Variants in PDPR observed in about 807,000 individuals in gnomAD.
PDPR encodes pyruvate dehydrogenase phosphatase regulatory subunit, also known as pyruvate dehydrogenase phosphatase regulatory subunit, mitochondrial.
PDPR carries 50 observed loss-of-function variants against 102.2 expected under a neutral mutation model. The ratio of observed to expected loss-of-function variants is 0.49; its 90% CI spans 0.39 to 0.62. The LOEUF (loss-of-function observed/expected upper bound fraction) is 0.62. Ranked by LOEUF, PDPR falls within the 20% of genes least tolerant of loss-of-function variation. PDPR has a pLI of 0.00. For missense variants in PDPR, 625 were observed against 1,098.2 expected (o/e 0.57, Z 6.09); for synonymous variants, 259 against 406.0 (o/e 0.64, Z 4.35).
At chr16:70,126,528 T>C (rs1963986500) in intron 3 of PDPR, among the ~76,000 whole-genome samples, 1 of 152,240 alleles carries the variant, frequency 6.6e-6, no homozygotes, top group African/African-American at 2.4e-5. Context: ...AATGCCTGGC[T>C]AATTTTTTGT....
chr16:70,122,993 C>T (rs1326432186), intron 3 of PDPR, among the ~76,000 whole-genome samples: 6 of 151,864 alleles, frequency 4.0e-5, no homozygotes, highest in South Asian at 2.1e-4. Context: ...CTGTGCCTCC[C>T]GGATTCCAGT....
rs201609490 is a variant in PDPR, at chr16:70,120,605, C to T, written c.113C>T (p.Ala38Val). 323 of 1,613,862 alleles carry T rather than the reference C, an allele frequency of 2.0e-4. 2 individuals are homozygous for T. In the African/African-American group the frequency reaches 3.6e-3, roughly 18 times the overall value. ...STSAAEARSM[A>V]LPTQAQVVIC... ...TCAGCTGCCGAGGCGCGTTCCATGGCCCTGCCCACCCAGGCACAGGTGGTC... is the reference window on the plus strand; with the variant it reads ...TCAGCTGCCGAGGCGCGTTCCATGGTCCTGCCCACCCAGGCACAGGTGGTC... Residue 38 changes from alanine to valine, a missense_variant, in exon 3 of 19, where the codon GCC becomes GTC. Coordinates refer to ENST00000288050, the MANE Select transcript of PDPR (RefSeq NM_017990.5).
At chr16:70,118,120 A>G (rs1962840766) in intron 2 of PDPR, among the ~76,000 whole-genome samples, 1 of 151,910 alleles carries the variant, frequency 6.6e-6, no homozygotes, top group South Asian at 2.1e-4. Context: ...TGCTGAGGAA[A>G]AGCAGCAAAA....
chr16:70,127,512 G>A (rs1250171759), intron 4 of PDPR, 119 bp downstream of exon 4: 42 of 1,524,804 alleles, frequency 2.8e-5, no homozygotes, highest in Admixed American at 1.3e-4. Flanking sequence ...TGGGTTGGCC[G>A]GGCATGGTGG....
At chr16:70,150,424 A>G (rs1212398632) in intron 17 of PDPR, among the ~76,000 whole-genome samples, 1 of 151,874 alleles carries the variant, frequency 6.6e-6, no homozygotes, top group East Asian at 1.9e-4. Flanking sequence ...TCTTCCTATA[A>G]TTTCCTTCCT....
intron 18 of PDPR, among the ~76,000 whole-genome samples, chr16:70,155,358 T>G (rs1009514015): frequency 6.6e-6 from 1 of 152,250 alleles, no homozygotes; most frequent in Non-Finnish European, 1.5e-5. Context: ...CTCAGCTCAC[T>G]GCAATCTCTG....
At position 70,160,787 on chromosome 16, in the gene PDPR, G is replaced by A. The variant is rs1373290730; in HGVS notation, c.*3908G>A. ...CCTCCTCCCTTGCCACCGTCTTGGT[G>A]GCAGTAGCGATGCAAGAATGATGGG... On this transcript the variant is annotated 3_prime_UTR_variant, in exon 19 of 19. Transcript: ENST00000288050. 6.6e-6 allele frequency: 1 copy of A among 152,530 alleles called. No individual in the cohort carries two copies. The highest frequency in any genetic ancestry group is 1.5e-5 in the Non-Finnish European group (1 of 68,192). The allele number at this position is 152,530 out of a possible 1,614,324, so 9.4% of individuals were successfully genotyped here. A position where few individuals can be genotyped will look rare whatever the true frequency, so the allele number is the denominator to read the frequency against.
chr16:70,127,665 T>A (rs1964113948), intron 4 of PDPR, among the ~76,000 whole-genome samples: 1 of 152,256 alleles, frequency 6.6e-6, no homozygotes, highest in South Asian at 2.1e-4. Context: ...TTACTGTACT[T>A]CTTTTGAAAA....
At chr16:70,155,827 A>T (rs1476033131) in intron 18 of PDPR, among the ~76,000 whole-genome samples, 3 of 142,040 alleles carry the variant, frequency 2.1e-5, no homozygotes, top group Admixed American at 2.1e-4. Flanking sequence ...TTTGAGACAG[A>T]GTTTTGCTGT....
chr16:70,148,405 G>A (rs1487410688), intron 16 of PDPR, 59 bp from the exon 17 acceptor site: 41 of 1,188,732 alleles, frequency 3.4e-5, no homozygotes, highest in East Asian at 9.7e-5. Flanking sequence ...TTCCCCAGGC[G>A]TCCCTCCCTT....
chr16:70,159,425 G>A lies in PDPR; in HGVS notation c.*2546G>A, dbSNP rs1020668812. On this transcript the variant is annotated 3_prime_UTR_variant, in exon 19 of 19. Transcript: ENST00000288050. ...TGAATAGGGTCATACTCCTAAGACTGATGGGGTGTTGATCTTCTAGGACAT... is the reference window on the plus strand; with the variant it reads ...TGAATAGGGTCATACTCCTAAGACTAATGGGGTGTTGATCTTCTAGGACAT... 9 of 152,560 alleles carry A rather than the reference G, an allele frequency of 5.9e-5. No individual in the cohort carries two copies. Among genetic ancestry groups the A allele is most frequent in the Admixed American group, 3.3e-4 (5 of 15,284 alleles). 9.5% of individuals were successfully genotyped at this position (152,560 alleles called of 1,614,324 possible). A position where few individuals can be genotyped will look rare whatever the true frequency, so the allele number is the denominator to read the frequency against.
At chr16:70,125,225 A>G (rs1963799942) in intron 3 of PDPR, among the ~76,000 whole-genome samples, 1 of 152,234 alleles carries the variant, frequency 6.6e-6, no homozygotes, top group African/African-American at 2.4e-5. Context: ...AAAAATACAA[A>G]TTTAGCCAGG....
At chr16:70,124,601 C>T (rs1963729200) in intron 3 of PDPR, among the ~76,000 whole-genome samples, 1 of 152,262 alleles carries the variant, frequency 6.6e-6, no homozygotes, top group Non-Finnish European at 1.5e-5. Context: ...TTTTTAAAAG[C>T]TTCCCCGGGG....
intron 11 of PDPR, among the ~76,000 whole-genome samples, chr16:70,140,099 G>A (rs1479520769): frequency 1.3e-5 from 2 of 152,276 alleles, no homozygotes; most frequent in African/African-American, 2.4e-5. Flanking sequence ...ACTTTGGGAC[G>A]TTGAGGGAGG....
intron 1 of PDPR, 26 bp downstream of exon 1, chr16:70,114,466 C>G (rs1962422700): frequency 6.6e-6 from 1 of 152,214 alleles, no homozygotes; most frequent in Non-Finnish European, 1.5e-5. Flanking sequence ...CGGGGCAACT[C>G]TGGCCTCCCC....
intron 17 of PDPR, among the ~76,000 whole-genome samples, chr16:70,152,583 T>C (rs879665091): frequency 2.0e-4 from 30 of 152,382 alleles, no homozygotes; most frequent in Non-Finnish European, 3.5e-4. Flanking sequence ...CCTGTTCAGC[T>C]ACAGTGGTGC....
intron 1 of PDPR, 110 bp from the exon 2 acceptor site, chr16:70,114,711 C>T (rs1331018687): frequency 2.6e-5 from 4 of 152,436 alleles, no homozygotes; most frequent in African/African-American, 7.2e-5. Context: ...CACTTCAGCC[C>T]CGATGCCAGG....
intron 17 of PDPR, 54 bp from the exon 18 acceptor site, chr16:70,153,336 TC>T: frequency 6.5e-7 from 1 of 1,547,186 alleles, no homozygotes; most frequent in Non-Finnish European, 8.8e-7. Flanking sequence ...CCAGACATGC[TC>T]CATGCTTAAT....
rs561199433 is a variant in PDPR, at chr16:70,135,491, C to T, written c.998-703C>T. 2.4e-4 allele frequency among the ~76,000 whole-genome samples: 36 copies of T among 152,372 alleles called. No individual in the cohort carries two copies. In the South Asian group the frequency reaches 7.5e-3, roughly 32 times the overall value. On this transcript the variant is annotated intron_variant, in intron 9 of 18. Coordinates refer to ENST00000288050, the MANE Select transcript of PDPR (RefSeq NM_017990.5). ...ACCTCAGGTGATCCGCCCACCTTGG[C>T]CTCCCAAAGTGCCGGGGTTACAAAT...
Sources: allele counts gnomAD v4.1 joint callset (sites outside exome capture counted in the v4.1 genomes callset), GRCh38; gene constraint gnomAD v4.1.1; transcripts MANE v1.5; gene names NCBI Gene and HGNC (gene_info 2026-07-23, HGNC 2026-07-21).